The following CHRNA2 variants were observed in gnomAD, a reference collection of about 807,000 sequenced individuals.
The protein encoded by CHRNA2 is cholinergic receptor nicotinic alpha 2 subunit.
Under a neutral mutation model 45.5 loss-of-function variants are expected in CHRNA2, and 40 were observed. The observed-to-expected ratio is 0.88, with a 90% confidence interval of 0.68 to 1.15. The LOEUF (loss-of-function observed/expected upper bound fraction) is 1.15, where lower values mean the gene tolerates loss of function less well. Ranked by LOEUF, CHRNA2 falls within the 50% of genes most tolerant of loss-of-function variation. The probability of loss-of-function intolerance (pLI) is 0.00; values close to 1 mark genes in which losing one functional copy is unlikely to be tolerated. For synonymous variants in CHRNA2, 301 were observed against 296.7 expected, an observed-to-expected ratio of 1.01 and a Z score of -0.15; for missense variants, 655 against 701.7, an observed-to-expected ratio of 0.93 and a Z score of 0.75.
chr8:27,464,388 C>A (rs1465523862), intron 5 of CHRNA2, among the ~76,000 whole-genome samples: 3 of 151,964 alleles, frequency 2.0e-5, no homozygotes, highest in African/African-American at 4.8e-5. Context: ...TATTTTTATT[C>A]ATTTAATATT....
rs1372280583 is a variant in CHRNA2 at position 27,463,139 on chromosome 8, G to A, written c.1304C>T (p.Thr435Ile). Residue 435 changes from threonine to isoleucine, a missense_variant, in exon 6 of 7, where the codon ACC becomes ATC. By Grantham distance (89) the Thr-to-Ile change is moderately conservative. Coordinates refer to ENST00000407991, the MANE Select transcript of CHRNA2 (RefSeq NM_000742.4). This position sits in a 1 kb window ranked among gnomAD's most constrained non-coding sequence, Gnocchi z 6.1. ...CAGHVAPSVG[T>I]LCSHGHLHSG... ...GTGCAGGTGGCCGTGGCTGCAGAGG[G>A]TGCCCACAGAGGGGGCCACATGACC... 1.2e-6 allele frequency: 2 copies of A among 1,604,982 alleles called. No homozygotes were observed. Among genetic ancestry groups the A allele is most frequent in the Non-Finnish European group, 1.7e-6 (2 of 1,172,736 alleles).
At position 27,461,506 on chromosome 8, in the gene CHRNA2, G is replaced by T. The variant is rs1016411801; in HGVS notation, c.*123C>A. The T allele has an allele frequency of 3.0e-6, 4 of 1,346,734 alleles. No homozygotes were observed. In the East Asian group the frequency reaches 9.4e-5, roughly 32 times the overall value. 83.4% of individuals were successfully genotyped at this position (1,346,734 alleles called of 1,614,324 possible). ...ATGGAAGCCTGCAATCCCTGGGTCA[G>T]TGTCCAGACTCCGCGGAGAGGCACC... On this transcript the variant is annotated 3_prime_UTR_variant, in exon 7 of 7. Transcript: ENST00000407991.
chr8:27,464,336 A>G (rs556685925), intron 5 of CHRNA2, among the ~76,000 whole-genome samples: 5 of 152,320 alleles, frequency 3.3e-5, no homozygotes, highest in Admixed American at 3.3e-4. Context: ...GTATATGACA[A>G]TCATATATTT....
In CHRNA2 at chr8:27,461,711, A is replaced by T. The variant is rs1812495509; in HGVS notation, c.1508T>A (p.Ile503Asn). 1 of 1,614,104 alleles carries T rather than the reference A, an allele frequency of 6.2e-7. No individual in the cohort carries two copies. Among genetic ancestry groups the T allele is most frequent in the South Asian group, 1.1e-5 (1 of 91,096 alleles). ...GACGATGATAAACAGCCAGAGGAAG[A>T]TCCTGTCGATGACCATGGCAACATA... ...WKYVAMVIDR[I>N]FLWLFIIVCF... is the part of the protein sequence containing the mutation. The change falls in exon 7 of 7, where the codon ATC (isoleucine) becomes AAC (asparagine). Residue 503 changes from isoleucine (I) to asparagine (N), a missense_variant. Physicochemically the swap from Ile to Asn is moderately radical, Grantham distance 149. This residue lies in a region of CHRNA2 where 295 missense variants were observed against 280.4 expected (regional missense o/e 1.05). Transcript: ENST00000407991.
intron 6 of CHRNA2, among the ~76,000 whole-genome samples, chr8:27,462,654 A>G (rs1812531666): frequency 6.6e-6 from 1 of 152,186 alleles, no homozygotes; most frequent in African/African-American, 2.4e-5. Context: ...GCCACCTCCA[A>G]GGCAATGGTG....
intron 1 of CHRNA2, among the ~76,000 whole-genome samples, chr8:27,472,698 G>C (rs1812927191): frequency 6.6e-6 from 1 of 152,242 alleles, no homozygotes; most frequent in Non-Finnish European, 1.5e-5. Flanking sequence ...GTTTCCCTTA[G>C]AGGGGATAAG....
At position 27,478,059 on chromosome 8, in the gene CHRNA2, T is replaced by C. The variant is rs142428275; in HGVS notation, c.-137+765A>G. Reference sequence around the variant, plus strand: ...ACTTCTCACCCACCAGTCCACATTCTCCTCTTTTTACTAACATTTCCTTCT... The same window carrying C: ...ACTTCTCACCCACCAGTCCACATTCCCCTCTTTTTACTAACATTTCCTTCT... On this transcript the variant is annotated intron_variant, in intron 1 of 6. Transcript: ENST00000407991. 4.9e-3 allele frequency among the ~76,000 whole-genome samples: 744 copies of C among 152,230 alleles called. 2 individuals are homozygous for C. The highest frequency in any genetic ancestry group is 9.0e-3 in the Admixed American group (137 of 15,290).
chr8:27,461,809 T>TC (rs1210756249), intron 6 of CHRNA2, 55 bp from the exon 7 acceptor site: 17 of 1,611,926 alleles, frequency 1.1e-5, no homozygotes, highest in Non-Finnish European at 1.4e-5. Flanking sequence ...AGGGATGTGT[T>TC]CCCCCCATTC....
intron 5 of CHRNA2, among the ~76,000 whole-genome samples, chr8:27,464,558 G>A (rs1418859378): frequency 2.0e-5 from 3 of 152,104 alleles, no homozygotes; most frequent in Non-Finnish European, 4.4e-5. Context: ...CCAGGTGCTT[G>A]CTGCTGATTG....
intron 4 of CHRNA2, among the ~76,000 whole-genome samples, chr8:27,468,299 C>T (rs1169364798): frequency 6.6e-6 from 1 of 152,196 alleles, no homozygotes; most frequent in African/African-American, 2.4e-5. Context: ...ACACATACAC[C>T]GCATGACTGG....
intron 4 of CHRNA2, among the ~76,000 whole-genome samples, chr8:27,468,092 C>T (rs111444964): frequency 1.3e-5 from 2 of 152,238 alleles, no homozygotes; most frequent in East Asian, 3.8e-4. Context: ...GTTGTGTTAT[C>T]CTCATTTTGC....
chr8:27,469,498 C>A (rs1446892395), intron 3 of CHRNA2, 119 bp from the exon 4 acceptor site: 10 of 1,118,890 alleles, frequency 8.9e-6, no homozygotes, highest in Admixed American at 2.0e-5. Context: ...CCAGCCCGCC[C>A]GCCACCCACT....
chr8:27,467,543 CT>C (rs891676966), intron 4 of CHRNA2: 9 of 568,420 alleles, frequency 1.6e-5, no homozygotes, highest in Non-Finnish European at 2.5e-5. Context: ...TTTGCCTGGA[CT>C]TTAGTAGTCA....
chr8:27,467,579 C>G, intron 4 of CHRNA2: 1 of 508,406 alleles, frequency 2.0e-6, no homozygotes. Context: ...TGAAGTTCAC[C>G]CTTGTCCTGC....
chr8:27,462,364 T>G (rs891395), intron 6 of CHRNA2, among the ~76,000 whole-genome samples: 129,421 of 151,894 alleles, frequency 0.85, 55,467 homozygotes, highest in Middle Eastern at 0.94. Context: ...TCCCTAGGCT[T>G]AGTAGAATTT....
At position 27,463,365 on chromosome 8, in the gene CHRNA2, G is replaced by A. The variant is rs1812575432; in HGVS notation, c.1078C>T (p.His360Tyr). 3.1e-6 allele frequency: 5 copies of A among 1,614,048 alleles called. No individual in the cohort carries two copies. The highest frequency in any genetic ancestry group is 4.2e-6 in the Non-Finnish European group (5 of 1,180,034). Reference protein sequence around the residue: ...LNVHHRSPSTHTMPHWVRGAL... With the variant: ...LNVHHRSPSTYTMPHWVRGAL... ...CCCCGCACCCAGTGGGGCATGGTGT[G>A]GGTGCTGGGGGAGCGGTGGTGCACA... is the stretch of plus-strand genomic sequence containing the variant. The change falls in exon 6 of 7, where the codon CAC becomes TAC. Residue 360 changes from histidine (H) to tyrosine (Y), a missense_variant. Transcript: ENST00000407991. The surrounding 1 kb of genome is among the most constrained non-coding windows in gnomAD (Gnocchi z 6.1).
At position 27,474,757 on chromosome 8, in the gene CHRNA2, T is replaced by C. The variant is rs1813010179; in HGVS notation, c.-136-3563A>G. Among the ~76,000 whole-genome samples the C allele has an allele frequency of 2.0e-5, 3 of 152,236 alleles. No individual in the cohort carries two copies. In the South Asian group the frequency reaches 6.2e-4, roughly 31 times the overall value. On this transcript the variant is annotated intron_variant, in intron 1 of 6. Coordinates refer to ENST00000407991, the MANE Select transcript of CHRNA2 (RefSeq NM_000742.4). ...CGTTCAGGAGTGCAGCTTTATATAA[T>C]GTGTAAACTCACATCGCCCTGCAAA... is the stretch of plus-strand genomic sequence containing the variant.
intron 1 of CHRNA2, chr8:27,477,337 A>G (rs1403611355): frequency 6.6e-6 from 1 of 152,230 alleles, no homozygotes; most frequent in Non-Finnish European, 1.5e-5. Flanking sequence ...TTTCTCATCC[A>G]GCCAACCAAT....
At chr8:27,469,676 G>A in intron 3 of CHRNA2, 85 bp downstream of exon 3, 1 of 1,529,596 alleles carries the variant, frequency 6.5e-7, no homozygotes, top group Non-Finnish European at 9.0e-7. Context: ...TGAGGGCAGG[G>A]CTGGGGTAGA....
Sources: allele counts gnomAD v4.1 joint callset (sites outside exome capture counted in the v4.1 genomes callset), GRCh38; gene constraint gnomAD v4.1.1; regional missense constraint gnomAD v4.1.1; non-coding constraint Gnocchi (gnomAD v3.1); transcripts MANE v1.5; gene names NCBI Gene and HGNC (gene_info 2026-07-23, HGNC 2026-07-21).